Variants in ARHGAP5 observed in about 807,000 individuals in gnomAD.
ARHGAP5 encodes rho GTPase-activating protein 5.
Under a neutral mutation model 116.6 loss-of-function variants are expected in ARHGAP5, and 23 were observed. The observed-to-expected ratio is 0.20, with a 90% CI of 0.14 to 0.28. The LOEUF is 0.28. Ranked by LOEUF, ARHGAP5 falls within the 10% of genes least tolerant of loss-of-function variation. The probability of loss-of-function intolerance (pLI) is 1.00; values close to 1 mark genes in which losing one functional copy is unlikely to be tolerated. For missense variants in ARHGAP5, 1,405 were observed against 1,774.8 expected (o/e 0.79, Z 3.74); for synonymous variants, 574 against 602.0 (o/e 0.95, Z 0.68).
chr14:32,153,920 AAGAG>A (rs1442297711), intron 6 of ARHGAP5: 1 of 152,118 alleles, frequency 6.6e-6, no homozygotes, highest in African/African-American at 2.4e-5. Context: ...GAGAGAAAGA[AAGAG>A]AGAGGAAAAA....
Position 32,158,046 on chromosome 14 carries a change from T to A in ARHGAP5, c.*3098T>A, listed in dbSNP as rs1282028508. On this transcript the variant is annotated 3_prime_UTR_variant, in exon 7 of 7. Coordinates refer to ENST00000345122, the MANE Select transcript of ARHGAP5 (RefSeq NM_001030055.2). ...CTTTGTTTAATGTAATTTTTGTGCTTCACCTACAGGATGCTGCAGTAAATT... is the reference window on the plus strand; with the variant it reads ...CTTTGTTTAATGTAATTTTTGTGCTACACCTACAGGATGCTGCAGTAAATT... 2 of 151,800 alleles carry A rather than the reference T, an allele frequency of 1.3e-5. No individual in the cohort carries two copies. Among genetic ancestry groups the A allele is most frequent in the Non-Finnish European group, 3.0e-5 (2 of 67,730 alleles). 9.4% of individuals were successfully genotyped at this position (151,800 alleles called of 1,614,324 possible).
chr14:32,095,890 A>G (rs1878502706), intron 2 of ARHGAP5, among the ~76,000 whole-genome samples: 1 of 152,176 alleles, frequency 6.6e-6, no homozygotes, highest in South Asian at 2.1e-4. Flanking sequence ...CTTAATGTTT[A>G]TTAAGAAAAA....
chr14:32,145,845 T>C (rs910947575), intron 3 of ARHGAP5, among the ~76,000 whole-genome samples: 1 of 152,222 alleles, frequency 6.6e-6, no homozygotes. Context: ...TCAAAAAATA[T>C]TTTATTCTTA....
intron 1 of ARHGAP5, among the ~76,000 whole-genome samples, chr14:32,081,399 G>C (rs1320634434): frequency 6.6e-6 from 1 of 152,008 alleles, no homozygotes. Context: ...GGACAGATTA[G>C]CAGATGGGAA....
intron 3 of ARHGAP5, among the ~76,000 whole-genome samples, chr14:32,126,794 T>TG (rs869163089): frequency 1.5e-4 from 22 of 151,626 alleles, no homozygotes; most frequent in South Asian, 6.3e-4. Context: ...TTTCTTTTTT[T>TG]GGGGGGGGAG....
At chr14:32,131,175 G>C (rs577861770) in intron 3 of ARHGAP5, among the ~76,000 whole-genome samples, 1 of 151,220 alleles carries the variant, frequency 6.6e-6, no homozygotes, top group South Asian at 2.1e-4. Flanking sequence ...TGTCTCAACG[G>C]TGTCCTCTTA....
chr14:32,109,816 CAT>C (rs1484167187), intron 2 of ARHGAP5, among the ~76,000 whole-genome samples: 5 of 152,146 alleles, frequency 3.3e-5, no homozygotes, highest in Non-Finnish European at 5.9e-5. Context: ...ATTCTTGACA[CAT>C]GTTTCCCGTG....
Position 32,158,243 on chromosome 14 carries a change from A to G in ARHGAP5, c.*3295A>G, listed in dbSNP as rs1192762275. The G allele has an allele frequency of 2.0e-5, 3 of 151,836 alleles. No individual in the cohort carries two copies. Among genetic ancestry groups the G allele is most frequent in the African/African-American group, 7.2e-5 (3 of 41,432 alleles). 9.4% of individuals were successfully genotyped at this position (151,836 alleles called of 1,614,324 possible). A position where few individuals can be genotyped will look rare whatever the true frequency, so the allele number is the denominator to read the frequency against. On this transcript the variant is annotated 3_prime_UTR_variant, in exon 7 of 7. Transcript: ENST00000345122. ...ATATAAATTTATCAATATGATGGAAATCTTATTAAGGAGATGTATTATTGA... is the reference window on the plus strand; with the variant it reads ...ATATAAATTTATCAATATGATGGAAGTCTTATTAAGGAGATGTATTATTGA...
intron 3 of ARHGAP5, among the ~76,000 whole-genome samples, chr14:32,127,881 T>C (rs1476434686): frequency 6.9e-5 from 10 of 144,096 alleles, no homozygotes; most frequent in African/African-American, 2.6e-4. Context: ...GGCTCCTCAC[T>C]TCTCAGACGG....
At chr14:32,097,977 C>A (rs1594351936) in intron 2 of ARHGAP5, among the ~76,000 whole-genome samples, 1 of 152,156 alleles carries the variant, frequency 6.6e-6, no homozygotes, top group African/African-American at 2.4e-5. Context: ...AAATAAATGA[C>A]AGAGCTATTG....
intron 6 of ARHGAP5, among the ~76,000 whole-genome samples, chr14:32,153,378 G>T (rs1881737691): frequency 1.0e-5 from 1 of 97,234 alleles, no homozygotes; most frequent in African/African-American, 4.0e-5. Flanking sequence ...TTGCACTTCA[G>T]TCTGGCCAAC....
rs1878326255 is a variant in ARHGAP5 at position 32,092,702 on chromosome 14, T to G, written c.2033T>G (p.Ile678Arg). 1.2e-6 allele frequency: 2 copies of G among 1,613,818 alleles called. No homozygotes were observed. The highest frequency in any genetic ancestry group is 1.7e-6 in the Non-Finnish European group (2 of 1,179,854). ...LSFIGEFIGKIRTEASQIRKD... is the reference protein window; with the variant it reads ...LSFIGEFIGKRRTEASQIRKD... ...TTTATTGGGGAATTTATTGGGAAAA[T>G]AAGAACTGAAGCTTCTCAGATCAGA... is the stretch of plus-strand genomic sequence containing the variant. The change falls in exon 2 of 7, where the codon ATA becomes AGA. Residue 678 changes from isoleucine to arginine, a missense_variant. Ile to Arg is a moderately conservative substitution (Grantham distance 97). This residue lies in a region of ARHGAP5 where 944 missense variants were observed against 1,095.3 expected (regional missense o/e 0.86). Coordinates refer to ENST00000345122, the MANE Select transcript of ARHGAP5 (RefSeq NM_001030055.2). This position sits in a 1 kb window ranked among gnomAD's most constrained non-coding sequence, Gnocchi z 4.1.
rs1881943844 is a variant in ARHGAP5 at position 32,157,533 on chromosome 14, C to G, written c.*2585C>G. ...ACTACAATATTGGACCTAACAGGATCTAGATTAGCAATATAAAGAAGCATA... is the reference window on the plus strand; with the variant it reads ...ACTACAATATTGGACCTAACAGGATGTAGATTAGCAATATAAAGAAGCATA... On this transcript the variant is annotated 3_prime_UTR_variant, in exon 7 of 7. Transcript: ENST00000345122. 1 of 152,200 alleles carries G rather than the reference C, an allele frequency of 6.6e-6. No individual in the cohort carries two copies. Among genetic ancestry groups the G allele is most frequent in the African/African-American group, 2.4e-5 (1 of 41,410 alleles). 9.4% of individuals were successfully genotyped at this position (152,200 alleles called of 1,614,324 possible). A position where few individuals can be genotyped will look rare whatever the true frequency, so the allele number is the denominator to read the frequency against.
chr14:32,082,654 C>T (rs934464067), intron 1 of ARHGAP5, among the ~76,000 whole-genome samples: 28 of 152,182 alleles, frequency 1.8e-4, no homozygotes, highest in African/African-American at 6.8e-4. Context: ...ATTCTCCTGC[C>T]TCATCCTCCT....
intron 1 of ARHGAP5, among the ~76,000 whole-genome samples, chr14:32,080,240 TC>T (rs1260190468): frequency 2.0e-5 from 3 of 151,676 alleles, no homozygotes; most frequent in Admixed American, 2.0e-4. Flanking sequence ...CAACCCACCC[TC>T]CCAAACCAGG....
chr14:32,090,621 G>A lies in ARHGAP5; in HGVS notation c.-49G>A. On this transcript the variant is annotated 5_prime_UTR_variant, in exon 2 of 7. Transcript: ENST00000345122. ...TGAGATGATTTTATTTTCAGAATGA[G>A]AAGCATATCTGGTTACCTTTATGAA... 1 of 1,444,920 alleles carries A rather than the reference G, an allele frequency of 6.9e-7. No individual in the cohort carries two copies. The highest frequency in any genetic ancestry group is 9.3e-7 in the Non-Finnish European group (1 of 1,070,598). 89.5% of individuals were successfully genotyped at this position (1,444,920 alleles called of 1,614,324 possible). A position where few individuals can be genotyped will look rare whatever the true frequency, so the allele number is the denominator to read the frequency against.
At chr14:32,116,016 A>C (rs1457882338) in intron 2 of ARHGAP5, among the ~76,000 whole-genome samples, 4 of 150,258 alleles carry the variant, frequency 2.7e-5, no homozygotes, top group Non-Finnish European at 5.9e-5. Context: ...TACTGGGCGC[A>C]GTAGCTCATG....
At chr14:32,137,118 C>T (rs2139118905) in intron 3 of ARHGAP5, among the ~76,000 whole-genome samples, 1 of 151,574 alleles carries the variant, frequency 6.6e-6, no homozygotes, top group East Asian at 1.9e-4. Context: ...TATTGTTGCT[C>T]ATGCTGTTGG....
intron 2 of ARHGAP5, among the ~76,000 whole-genome samples, chr14:32,103,540 T>TG (rs1468605242): frequency 4.6e-5 from 7 of 152,328 alleles, no homozygotes; most frequent in Non-Finnish European, 8.8e-5. Context: ...TAGTAAATGT[T>TG]AAGTATGTGT....
Sources: gnomAD v4.1 joint callset for allele counts (sites outside exome capture counted in the v4.1 genomes callset) on GRCh38, gnomAD v4.1.1 for gene constraint, gnomAD v4.1.1 regional missense constraint, Gnocchi (gnomAD v3.1) non-coding constraint, MANE v1.5 for transcripts, NCBI Gene and HGNC (gene_info 2026-07-23, HGNC 2026-07-21) for gene names.